The following ANO1 variants were observed in gnomAD, a reference collection of about 807,000 sequenced individuals.
The protein encoded by ANO1 is anoctamin 1.
A neutral mutation model predicts 124.0 loss-of-function variants in ANO1; 59 were observed. The ratio of observed to expected loss-of-function variants is 0.48; its 90% CI spans 0.39 to 0.59. The LOEUF is 0.59. ANO1 is among the 20% of genes least tolerant of loss of function. ANO1 has a pLI of 0.00. For missense variants in ANO1, 1,059 were observed against 1,328.0 expected, an observed-to-expected ratio of 0.80 and a Z score of 3.15; for synonymous variants, 529 against 532.0, an observed-to-expected ratio of 0.99 and a Z score of 0.08.
At chr11:70,131,303 ATGTGTG>A (rs58686061) in intron 10 of ANO1, among the ~76,000 whole-genome samples, 2,852 of 149,116 alleles carry the variant, frequency 0.019, 93 homozygotes, top group African/African-American at 0.067. Flanking sequence ...TCAAAAATCA[ATGTGTG>A]TGTGTGTGTG....
chr11:70,012,504 A>G (rs1031936446), intron 1 of ANO1, among the ~76,000 whole-genome samples: 16 of 151,434 alleles, frequency 1.1e-4, no homozygotes, highest in African/African-American at 3.9e-4. Context: ...TCACTCATCC[A>G]TTCTTTCATC....
chr11:70,140,151 C>A (rs2047099381), intron 11 of ANO1, among the ~76,000 whole-genome samples: 1 of 152,222 alleles, frequency 6.6e-6, no homozygotes, highest in African/African-American at 2.4e-5. Context: ...TCTTGAGCCA[C>A]ACCCCAGGAG....
chr11:70,106,031 A>G (rs546285919), intron 5 of ANO1, among the ~76,000 whole-genome samples: 6 of 151,866 alleles, frequency 4.0e-5, no homozygotes, highest in Non-Finnish European at 8.8e-5. Flanking sequence ...GGGAAGCCAG[A>G]CCCCTGGAGT....
intron 1 of ANO1, among the ~76,000 whole-genome samples, chr11:70,036,927 C>T (rs910516609): frequency 3.3e-5 from 5 of 152,190 alleles, no homozygotes; most frequent in Non-Finnish European, 7.3e-5. Context: ...TTTTTACATG[C>T]CTGCCTTTCT....
At chr11:70,095,348 AAG>A (rs1298310917) in intron 2 of ANO1, among the ~76,000 whole-genome samples, 1 of 9,098 alleles carries the variant, frequency 1.1e-4, no homozygotes, top group African/African-American at 3.5e-4. Flanking sequence ...GAGAAAGAAA[AAG>A]AAAGAAAGAA....
At chr11:70,162,698 C>T (rs1354140605) in intron 18 of ANO1, among the ~76,000 whole-genome samples, 1 of 152,128 alleles carries the variant, frequency 6.6e-6, no homozygotes, top group Non-Finnish European at 1.5e-5. Flanking sequence ...TCACCAGTGC[C>T]ATGCCCGCCC....
chr11:70,053,399 A>G (rs1034404646), intron 1 of ANO1, among the ~76,000 whole-genome samples: 1 of 152,146 alleles, frequency 6.6e-6, no homozygotes, highest in African/African-American at 2.4e-5. Flanking sequence ...TTAACATGCC[A>G]TTTGTTGTAG....
chr11:70,013,391 TA>T (rs1162989875), intron 1 of ANO1, among the ~76,000 whole-genome samples: 1 of 151,212 alleles, frequency 6.6e-6, no homozygotes, highest in Non-Finnish European at 1.5e-5. Flanking sequence ...GCCTTTTTTT[TA>T]AAAAAGGAGG....
chr11:70,033,866 T>C (rs1340802386), intron 1 of ANO1, among the ~76,000 whole-genome samples: 1 of 152,170 alleles, frequency 6.6e-6, no homozygotes, highest in Non-Finnish European at 1.5e-5. Flanking sequence ...AGTTGTATAG[T>C]TGTATGGGGT....
intron 1 of ANO1, among the ~76,000 whole-genome samples, chr11:70,047,080 C>CAA (rs10660510): frequency 0.032 from 2,340 of 73,492 alleles, 29 homozygotes; most frequent in Admixed American, 0.049. Flanking sequence ...GACTCTGTCT[C>CAA]AAAAAAAAAA....
intron 1 of ANO1, among the ~76,000 whole-genome samples, chr11:70,033,295 G>A (rs1331598277): frequency 6.6e-6 from 1 of 152,132 alleles, no homozygotes; most frequent in African/African-American, 2.4e-5. Flanking sequence ...GGTGGGACTG[G>A]ACCCAGCTCT....
In ANO1 at chr11:70,035,695, AC is replaced by A. The variant is rs566073480; in HGVS notation, c.59-42842del. ...AATGCTCTCCCTCCCCTTGCTCCCC[AC>A]CCCCTGACAGGCCCTGGTGTGTGAG... On this transcript the variant is annotated intron_variant, in intron 1 of 27. Coordinates refer to the ANO1 transcript ENST00000531349. Among the ~76,000 whole-genome samples, 31 of 151,452 alleles carry A rather than the reference AC, an allele frequency of 2.0e-4. No homozygotes were observed. The East Asian group carries it at 4.7e-3, about 23-fold the overall frequency.
chr11:69,984,711 C>T (rs1324208740), upstream of ANO1, among the ~76,000 whole-genome samples: 1 of 152,140 alleles, frequency 6.6e-6, no homozygotes, highest in Non-Finnish European at 1.5e-5. Context: ...GTCTGTCTCC[C>T]TCAGGGCCCA....
Position 70,155,961 on chromosome 11 carries a change from T to G in ANO1, c.1476T>G (p.Val492=). The change falls in exon 15 of 26, where the codon GTT becomes GTG. Residue 492 remains valine (V), a synonymous_variant. Transcript: ENST00000355303. Reference sequence around the variant, plus strand: ...CAACAAACAAATGGAAGCAGAGGGTTAAGACAGCCATGGCGGGGGTGAAAT... The same window carrying G: ...CAACAAACAAATGGAAGCAGAGGGTGAAGACAGCCATGGCGGGGGTGAAAT... The part of the protein sequence containing the change: ...EESTNKWKQR[V]KTAMAGVKLT... 1 of 1,536,102 alleles carries G rather than the reference T, an allele frequency of 6.5e-7. No individual in the cohort carries two copies. The highest frequency in any genetic ancestry group is 8.8e-7 in the Non-Finnish European group (1 of 1,141,632).
chr11:70,133,296 C>T (rs747152136), intron 11 of ANO1, among the ~76,000 whole-genome samples: 4 of 152,200 alleles, frequency 2.6e-5, no homozygotes, highest in Non-Finnish European at 5.9e-5. Flanking sequence ...GATTCAGTAC[C>T]GTGCCCCATC....
chr11:70,092,309 G>A (rs1387855952), intron 2 of ANO1, among the ~76,000 whole-genome samples: 1 of 152,202 alleles, frequency 6.6e-6, no homozygotes, highest in Admixed American at 6.5e-5. Context: ...TAAGTGCCAG[G>A]AGTTAGGACT....
At chr11:70,016,591 G>A (rs1404673965) in intron 1 of ANO1, 3 of 152,278 alleles carry the variant, frequency 2.0e-5, no homozygotes, top group Middle Eastern at 6.3e-3. Context: ...GGACGCTGTA[G>A]GGGCTCCGCT....
chr11:69,995,737 T>C (rs1406322632), intron 1 of ANO1, among the ~76,000 whole-genome samples: 1 of 152,176 alleles, frequency 6.6e-6, no homozygotes, highest in African/African-American at 2.4e-5. Context: ...TCACCATGAC[T>C]TATCACTGCT....
At chr11:70,128,287 T>C (rs1423313316) in intron 10 of ANO1, among the ~76,000 whole-genome samples, 1 of 152,040 alleles carries the variant, frequency 6.6e-6, no homozygotes, top group Non-Finnish European at 1.5e-5. Flanking sequence ...CCTGGGCACT[T>C]GGGTTTGGTT....
Sources: gnomAD v4.1 joint callset for allele counts (sites outside exome capture counted in the v4.1 genomes callset) on GRCh38, gnomAD v4.1.1 for gene constraint, MANE v1.5 for transcripts, NCBI Gene and HGNC (gene_info 2026-07-23, HGNC 2026-07-21) for gene names.